The following EIF2B3 variants were observed in gnomAD, a reference collection of about 807,000 sequenced individuals.
EIF2B3 encodes the protein eukaryotic translation initiation factor 2B subunit gamma.
EIF2B3 carries 20 observed loss-of-function variants against 54.1 expected under a neutral mutation model. The ratio of observed to expected loss-of-function variants is 0.37; its 90% CI spans 0.26 to 0.54. The LOEUF (loss-of-function observed/expected upper bound fraction) is 0.54. Among genes scored for constraint, EIF2B3 ranks in the 20% least tolerant of loss-of-function variants. The pLI is 0.86. For missense variants in EIF2B3, 448 were observed against 547.8 expected, an observed-to-expected ratio of 0.82 and a Z score of 1.82; for synonymous variants, 153 against 188.1, an observed-to-expected ratio of 0.81 and a Z score of 1.52.
At chr1:44,924,810 TTTC>T (rs1452084087) in intron 5 of EIF2B3, 1 of 152,304 alleles carries the variant, frequency 6.6e-6, no homozygotes, top group Non-Finnish European at 1.5e-5. Flanking sequence ...TTTAAGAAAA[TTTC>T]TTCTGTTTCT....
intron 7 of EIF2B3, 45 bp from the exon 8 acceptor site, chr1:44,880,053 A>G: frequency 1.3e-6 from 2 of 1,588,526 alleles, no homozygotes; most frequent in Non-Finnish European, 1.7e-6. Context: ...AGAGAGAGAT[A>G]ACAGAACAGA....
intron 10 of EIF2B3, among the ~76,000 whole-genome samples, chr1:44,871,874 C>CTTTTTT (rs71040515): frequency 2.5e-5 from 3 of 118,908 alleles, no homozygotes; most frequent in Non-Finnish European, 5.1e-5. Context: ...ACTTCACAAT[C>CTTTTTT]TTTTTTTTTT....
At chr1:44,865,970 C>T (rs1198610399) in intron 10 of EIF2B3, among the ~76,000 whole-genome samples, 1 of 152,082 alleles carries the variant, frequency 6.6e-6, no homozygotes, top group Non-Finnish European at 1.5e-5. Context: ...GATCTCTTAA[C>T]AGATATTTAG....
intron 10 of EIF2B3, 25 bp downstream of exon 10, chr1:44,874,653 C>T: frequency 6.2e-7 from 1 of 1,611,622 alleles, no homozygotes; most frequent in South Asian, 1.1e-5. Context: ...ATCTTTGCCT[C>T]AAGTGGGTAC....
chr1:44,948,132 A>G (rs1040807501), intron 3 of EIF2B3, among the ~76,000 whole-genome samples: 1 of 152,254 alleles, frequency 6.6e-6, no homozygotes, highest in African/African-American at 2.4e-5. Context: ...CAACTGCCAC[A>G]TTGTTTTCAC....
chr1:44,905,244 A>T (rs529950462), intron 5 of EIF2B3, among the ~76,000 whole-genome samples: 1 of 152,172 alleles, frequency 6.6e-6, no homozygotes, highest in African/African-American at 2.4e-5. Context: ...TCTCCAAAAA[A>T]AGCAGTTGTG....
At chr1:44,924,498 C>T (rs936961300) in intron 5 of EIF2B3, among the ~76,000 whole-genome samples, 1 of 152,156 alleles carries the variant, frequency 6.6e-6, no homozygotes, top group East Asian at 1.9e-4. Context: ...AGCAATTCTC[C>T]TGCCTCAGCC....
intron 2 of EIF2B3, among the ~76,000 whole-genome samples, chr1:44,980,810 T>C (rs1338721169): frequency 3.9e-5 from 6 of 152,150 alleles, no homozygotes; most frequent in African/African-American, 9.7e-5. Context: ...TCTTGGATCA[T>C]TGTGGACATC....
intron 4 of EIF2B3, among the ~76,000 whole-genome samples, chr1:44,932,116 AACAC>A (rs59619203): frequency 0.015 from 2,220 of 148,458 alleles, 55 homozygotes; most frequent in African/African-American, 0.053. Context: ...TCTCAAAACG[AACAC>A]ACACACACAC....
chr1:44,970,187 G>C (rs191157680), intron 3 of EIF2B3: 1 of 152,102 alleles, frequency 6.6e-6, no homozygotes, highest in African/African-American at 2.4e-5. Context: ...AGCAAATATG[G>C]TATCTAACTT....
chr1:44,885,425 T>G (rs1324044891), intron 6 of EIF2B3, among the ~76,000 whole-genome samples: 1 of 152,242 alleles, frequency 6.6e-6, no homozygotes, highest in Non-Finnish European at 1.5e-5. Context: ...AAGAGTGCTT[T>G]GAGAACCGTT....
intron 5 of EIF2B3, among the ~76,000 whole-genome samples, chr1:44,920,978 T>C (rs965946161): frequency 1.3e-5 from 2 of 152,222 alleles, no homozygotes; most frequent in Non-Finnish European, 2.9e-5. Context: ...CTGTTCTCCA[T>C]AGTGGCTGTA....
intron 10 of EIF2B3, among the ~76,000 whole-genome samples, chr1:44,859,474 A>G (rs944241370): frequency 1.3e-5 from 2 of 152,088 alleles, no homozygotes. Context: ...CATGGCCAAC[A>G]TGGTGAAACC....
In EIF2B3 at chr1:44,850,645, C is replaced by G; in HGVS notation, c.*306G>C. 2.2e-6 allele frequency: 1 copy of G among 445,662 alleles called. No individual in the cohort carries two copies. Among genetic ancestry groups the G allele is most frequent in the East Asian group, 4.2e-5 (1 of 23,576 alleles). The allele number at this position is 445,662 out of a possible 1,614,324, so 27.6% of individuals were successfully genotyped here. A position where few individuals can be genotyped will look rare whatever the true frequency, so the allele number is the denominator to read the frequency against. On this transcript the variant is annotated 3_prime_UTR_variant, in exon 12 of 12. Coordinates refer to ENST00000360403, the MANE Select transcript of EIF2B3 (RefSeq NM_020365.5). ...GTTGGGTCAGCCAGTCAGAAAGTAG[C>G]CTTCCTAGGAGCTTTACATTGGACA...
chr1:44,851,368 C>T (rs898271267), intron 11 of EIF2B3, among the ~76,000 whole-genome samples: 1 of 152,090 alleles, frequency 6.6e-6, no homozygotes, highest in Non-Finnish European at 1.5e-5. Flanking sequence ...CCCAGCCAAA[C>T]CCAACTGCTT....
intron 5 of EIF2B3, among the ~76,000 whole-genome samples, chr1:44,914,420 C>T (rs777208698): frequency 6.6e-6 from 1 of 152,096 alleles, no homozygotes; most frequent in Admixed American, 6.5e-5. Flanking sequence ...CTCGGCCTCT[C>T]AAAGTGTTGG....
At chr1:44,853,662 G>A (rs1169402580) in intron 11 of EIF2B3, among the ~76,000 whole-genome samples, 1 of 152,138 alleles carries the variant, frequency 6.6e-6, no homozygotes, top group African/African-American at 2.4e-5. Flanking sequence ...TGGGAGTAGG[G>A]TCCAGTAAAT....
chr1:44,872,694 C>T (rs1247271565), intron 10 of EIF2B3, among the ~76,000 whole-genome samples: 1 of 151,964 alleles, frequency 6.6e-6, no homozygotes, highest in East Asian at 1.9e-4. Context: ...CTCCTTTCTC[C>T]AGCTCAGGTG....
At chr1:44,968,047 TAAATAAAAATAA>T (rs144844434) in intron 3 of EIF2B3, among the ~76,000 whole-genome samples, 1 of 145,768 alleles carries the variant, frequency 6.9e-6, no homozygotes, top group Non-Finnish European at 1.5e-5. Context: ...TGAAAATAAA[TAAATAAAAATAA>T]AAATAAAAAT....
Sources: allele counts gnomAD v4.1 joint callset (sites outside exome capture counted in the v4.1 genomes callset), GRCh38; gene constraint gnomAD v4.1.1; transcripts MANE v1.5; gene names NCBI Gene and HGNC (gene_info 2026-07-23, HGNC 2026-07-21).